The following ERCC1 variants were observed in gnomAD, a reference collection of about 807,000 sequenced individuals.
ERCC1 encodes ERCC excision repair 1, endonuclease non-catalytic subunit.
In ERCC1, 36 loss-of-function variants were observed where a neutral mutation model predicts 37.6. That is an observed-to-expected ratio of 0.96 (90% CI 0.73 to 1.26). The LOEUF is 1.26. Ranked by LOEUF, ERCC1 falls within the 50% of genes most tolerant of loss-of-function variation. The pLI, the probability that ERCC1 is intolerant of heterozygous loss-of-function variation, is 0.00. For synonymous variants in ERCC1, 156 were observed against 162.1 expected (o/e 0.96, Z 0.28); for missense variants, 349 against 376.5 (o/e 0.93, Z 0.60).
At chr19:45,424,065 G>C (rs928048375), upstream of ERCC1, 34 of 1,042,318 alleles carry the variant, frequency 3.3e-5, no homozygotes, top group Non-Finnish European at 3.7e-5. Context: ...AAGTTTCAAA[G>C]CCCTTACTGA....
At chr19:45,448,706 T>G (rs1967021709) in intron 1 of ERCC1, among the ~76,000 whole-genome samples, 1 of 151,872 alleles carries the variant, frequency 6.6e-6, no homozygotes, top group African/African-American at 2.4e-5. Context: ...TTTTTATTAA[T>G]TTAAAAAAAA....
At chr19:45,442,742 A>G (rs1351088670) in intron 1 of ERCC1, among the ~76,000 whole-genome samples, 2 of 152,148 alleles carry the variant, frequency 1.3e-5, no homozygotes, top group Admixed American at 6.6e-5. Flanking sequence ...GGCTGCCTGG[A>G]AGAAGACTAA....
chr19:45,439,633 G>A (rs1975065898), intron 1 of ERCC1, among the ~76,000 whole-genome samples: 1 of 152,194 alleles, frequency 6.6e-6, no homozygotes, highest in Non-Finnish European at 1.5e-5. Context: ...CCACCAGGGG[G>A]CGCGGCGCCC....
intron 1 of ERCC1, among the ~76,000 whole-genome samples, chr19:45,449,973 C>CA (rs148070271): frequency 6.6e-6 from 1 of 151,990 alleles, no homozygotes; most frequent in Non-Finnish European, 1.5e-5. Flanking sequence ...TCAAACAAAA[C>CA]AAAAAAAGCC....
At chr19:45,423,167 C>T (rs1468120249) in intron 2 of ERCC1, 103 bp downstream of exon 2, 23 of 1,177,278 alleles carry the variant, frequency 2.0e-5, no homozygotes, top group Non-Finnish European at 2.8e-5. Flanking sequence ...CGTCCGTGGC[C>T]CCCAAATCCA....
intron 1 of ERCC1, among the ~76,000 whole-genome samples, chr19:45,450,930 G>A (rs1967102123): frequency 7.4e-6 from 1 of 134,494 alleles, no homozygotes; most frequent in South Asian, 2.6e-4. Flanking sequence ...GCGGTGACGC[G>A]ACGGACTGTG....
In ERCC1 at chr19:45,423,615, C is replaced by T. The variant is rs558209034; in HGVS notation, c.-8+166G>A. On this transcript the variant is annotated intron_variant, in intron 1 of 9. Transcript: ENST00000300853. ...CCATCGCTCCGCCCCTCGCCCCCAC[C>T]GGATTCTATTGGCTCCGTCCCCACC... 5 of 1,384,664 alleles carry T rather than the reference C, an allele frequency of 3.6e-6. No homozygotes were observed. In the South Asian group the frequency reaches 6.2e-5, roughly 17 times the overall value. 85.8% of individuals were successfully genotyped at this position (1,384,664 alleles called of 1,614,324 possible). A position where few individuals can be genotyped will look rare whatever the true frequency, so the allele number is the denominator to read the frequency against.
At chr19:45,432,898 T>C (rs1406745524) in intron 1 of ERCC1, among the ~76,000 whole-genome samples, 1 of 151,730 alleles carries the variant, frequency 6.6e-6, no homozygotes, top group Non-Finnish European at 1.5e-5. Context: ...CTGACCAACA[T>C]GGATAAACCC....
At chr19:45,435,254 G>A (rs924741210) in intron 1 of ERCC1, among the ~76,000 whole-genome samples, 3 of 151,998 alleles carry the variant, frequency 2.0e-5, no homozygotes, top group South Asian at 2.1e-4. Context: ...GGACTATGCC[G>A]CACAGTAACA....
rs1171749886 is a variant in ERCC1 at position 45,409,123 on chromosome 19, G to C, written c.*552C>G. ...AGGCAGCTCTGGCAGCTCCCAAAAA[G>C]AAGACGAAGAAAGAAAAACAGCAAG... On this transcript the variant is annotated 3_prime_UTR_variant, in exon 10 of 10. Coordinates refer to ENST00000300853, the MANE Select transcript of ERCC1 (RefSeq NM_001983.4). 1 of 1,613,192 alleles carries C rather than the reference G, an allele frequency of 6.2e-7. No individual in the cohort carries two copies. The highest frequency in any genetic ancestry group is 8.5e-7 in the Non-Finnish European group (1 of 1,179,396).
intron 1 of ERCC1, among the ~76,000 whole-genome samples, chr19:45,451,513 C>G (rs763589018): frequency 1.3e-5 from 2 of 152,176 alleles, no homozygotes; most frequent in African/African-American, 2.4e-5. Context: ...ACAGGCAGCC[C>G]GTGGTCCTTC....
upstream of ERCC1, chr19:45,424,429 CA>C (rs1974619557): frequency 2.0e-5 from 3 of 152,212 alleles, no homozygotes; most frequent in Admixed American, 6.6e-5. Context: ...GGATGGGGGT[CA>C]GGGGGAGCGC....
chr19:45,444,387 C>T (rs551164608), intron 1 of ERCC1, among the ~76,000 whole-genome samples: 1 of 151,008 alleles, frequency 6.6e-6, no homozygotes, highest in Non-Finnish European at 1.5e-5. Flanking sequence ...TCCCAGGCCG[C>T]CCCCCCGCGG....
At chr19:45,411,260 T>G (rs779862555) in intron 9 of ERCC1, among the ~76,000 whole-genome samples, 1 of 152,108 alleles carries the variant, frequency 6.6e-6, no homozygotes, top group Admixed American at 6.6e-5. Context: ...CAAACAGGAG[T>G]GCAGATACCT....
chr19:45,414,660 G>C, intron 7 of ERCC1: 1 of 545,254 alleles, frequency 1.8e-6, no homozygotes, highest in Admixed American at 2.9e-5. Flanking sequence ...GTACTGGGGA[G>C]CCATGGGAGG....
In ERCC1 at chr19:45,408,279, G is replaced by A. The variant is rs980158832; in HGVS notation, c.*1396C>T. The A allele has an allele frequency of 1.2e-6, 2 of 1,613,960 alleles. No individual in the cohort carries two copies. The highest frequency in any genetic ancestry group is 2.7e-5 in the African/African-American group (2 of 74,942). ...GCCCCCTCAACGGAGGCAGGAGGTG[G>A]ACTCACCTGTGCCTCAGCCCCCCAG... On this transcript the variant is annotated 3_prime_UTR_variant, in exon 10 of 10. Coordinates refer to ENST00000300853, the MANE Select transcript of ERCC1 (RefSeq NM_001983.4).
chr19:45,435,742 G>T (rs922467978), intron 1 of ERCC1, among the ~76,000 whole-genome samples: 1 of 152,092 alleles, frequency 6.6e-6, no homozygotes, highest in African/African-American at 2.4e-5. Context: ...ACAGGTGTGA[G>T]CCTCCATGTT....
upstream of ERCC1, among the ~76,000 whole-genome samples, chr19:45,426,025 C>A (rs1974681911): frequency 6.6e-6 from 1 of 151,586 alleles, no homozygotes; most frequent in Non-Finnish European, 1.5e-5. Flanking sequence ...GGGTGGATCA[C>A]CTGAGGTCAG....
chr19:45,449,694 G>A (rs1391010201), intron 1 of ERCC1, among the ~76,000 whole-genome samples: 1 of 151,808 alleles, frequency 6.6e-6, no homozygotes, highest in Non-Finnish European at 1.5e-5. Context: ...GCCGGGCGCG[G>A]TGGGTCACGC....
Sources: gnomAD v4.1 joint callset for allele counts (sites outside exome capture counted in the v4.1 genomes callset) on GRCh38, gnomAD v4.1.1 for gene constraint, MANE v1.5 for transcripts, NCBI Gene and HGNC (gene_info 2026-07-23, HGNC 2026-07-21) for gene names.